Variants in ERMP1 observed in about 807,000 individuals in gnomAD.
The protein encoded by ERMP1 is endoplasmic reticulum metallopeptidase 1, also known as Felix-ina.
Under a neutral mutation model 92.0 loss-of-function variants are expected in ERMP1, and 86 were observed. That is an observed-to-expected ratio of 0.93 (90% CI 0.79 to 1.12). The LOEUF (loss-of-function observed/expected upper bound fraction) is 1.12. Among genes scored for constraint, ERMP1 ranks in the 50% most tolerant of loss-of-function variants. The pLI is 0.00. For missense variants in ERMP1, 1,342 were observed against 1,116.3 expected (o/e 1.20, Z -2.88); for synonymous variants, 530 against 412.8 (o/e 1.28, Z -3.44).
Position 5,832,776 on chromosome 9 carries a change from CAGCGCGATCAGGTAG to C in ERMP1, c.237_251del (p.Tyr80_Leu84del), listed in dbSNP as rs1830008534. The C allele has an allele frequency of 6.7e-7, 1 of 1,500,220 alleles. No homozygotes were observed. Among genetic ancestry groups the C allele is most frequent in the African/African-American group, 1.5e-5 (1 of 68,846 alleles). 92.9% of individuals were successfully genotyped at this position (1,500,220 alleles called of 1,614,324 possible). On this transcript the variant is annotated inframe_deletion, in exon 1 of 15. Transcript: ENST00000339450. Reference sequence around the variant, plus strand: ...GCAGCGAGAGCTGCACCAGCGTCCGCAGCGCGATCAGGTAGAGCGCGAGCCCCAGCGCGGCGCGCA... The same window carrying C: ...GCAGCGAGAGCTGCACCAGCGTCCGCAGCGCGAGCCCCAGCGCGGCGCGCA...
At chr9:5,803,187 A>G (rs2760410) in intron 10 of ERMP1, among the ~76,000 whole-genome samples, 8,787 of 152,280 alleles carry the variant, frequency 0.058, 799 homozygotes, top group African/African-American at 0.19. Context: ...CCCAAAGAAA[A>G]CAGTCTTACT....
chr9:5,825,211 C>A lies in ERMP1; in HGVS notation c.649G>T (p.Asp217Tyr). 6.2e-7 allele frequency: 1 copy of A among 1,609,822 alleles called. No homozygotes were observed. Among genetic ancestry groups the A allele is most frequent in the South Asian group, 1.1e-5 (1 of 89,804 alleles). ...ATCACTGAGCAGCTAACTGCATCAT[C>A]ACTGGCACCTTCAAATCAGAAAAAC... Reference protein sequence around the residue: ...DSVANSPGASDDAVSCSVMLE... With the variant: ...DSVANSPGASYDAVSCSVMLE... Residue 217 changes from aspartate to tyrosine, a missense_variant, in exon 3 of 15, where the codon GAT becomes TAT. By Grantham distance (160) the Asp-to-Tyr change is radical. Coordinates refer to ENST00000339450, the MANE Select transcript of ERMP1 (RefSeq NM_024896.3).
chr9:5,810,317 T>A, intron 7 of ERMP1, 86 bp from the exon 8 acceptor site: 1 of 966,520 alleles, frequency 1.0e-6, no homozygotes, highest in Non-Finnish European at 1.6e-6. Flanking sequence ...TGGGCAAACA[T>A]TAAAACAAAA....
intron 4 of ERMP1, among the ~76,000 whole-genome samples, chr9:5,815,494 CAAA>C (rs3068691): frequency 1.5e-3 from 143 of 97,408 alleles, no homozygotes; most frequent in Admixed American, 1.7e-3. Context: ...ACTGAAATAA[CAAA>C]AAAAAAAAAA....
intron 6 of ERMP1, among the ~76,000 whole-genome samples, chr9:5,838,362 C>A (rs1448819945): frequency 2.0e-5 from 3 of 151,788 alleles, no homozygotes; most frequent in Admixed American, 2.0e-4. Flanking sequence ...GGCAACATAG[C>A]AAGACCCCAT....
At chr9:5,854,066 G>C (rs1434420384) in intron 6 of ERMP1, among the ~76,000 whole-genome samples, 1 of 151,946 alleles carries the variant, frequency 6.6e-6, no homozygotes, top group African/African-American at 2.4e-5. Flanking sequence ...AACAAAGGGG[G>C]ATAAATTGTG....
In ERMP1 at chr9:5,785,604, A is replaced by G. The variant is rs1172347322; in HGVS notation, c.*1540T>C. 2.0e-5 allele frequency: 3 copies of G among 152,666 alleles called. No homozygotes were observed. The highest frequency in any genetic ancestry group is 6.5e-5 in the Admixed American group (1 of 15,276). The allele number at this position is 152,666 out of a possible 1,614,324, so 9.5% of individuals were successfully genotyped here. A position where few individuals can be genotyped will look rare whatever the true frequency, so the allele number is the denominator to read the frequency against. On this transcript the variant is annotated 3_prime_UTR_variant, in exon 15 of 15. Transcript: ENST00000339450. ...TAGGGAGTCACAGATTAGGCAGGCAACGAGGGGCATGATTTAAAAAGCACA... is the reference window on the plus strand; with the variant it reads ...TAGGGAGTCACAGATTAGGCAGGCAGCGAGGGGCATGATTTAAAAAGCACA...
At chr9:5,822,213 C>G (rs1409125840) in intron 4 of ERMP1, among the ~76,000 whole-genome samples, 1 of 152,098 alleles carries the variant, frequency 6.6e-6, no homozygotes, top group Non-Finnish European at 1.5e-5. Flanking sequence ...GATCATACCA[C>G]TACACTCCAG....
chr9:5,830,282 A>C (rs1586824892), intron 2 of ERMP1, among the ~76,000 whole-genome samples: 4 of 152,290 alleles, frequency 2.6e-5, no homozygotes, highest in Admixed American at 2.6e-4. Context: ...CAGGGCAGCC[A>C]AAAGATTGGA....
intron 4 of ERMP1, among the ~76,000 whole-genome samples, chr9:5,816,930 G>A (rs1035865351): frequency 7.0e-6 from 1 of 143,064 alleles, no homozygotes; most frequent in African/African-American, 2.6e-5. Context: ...ACAGAGTCTC[G>A]CTCTGTCTCC....
chr9:5,841,550 C>T (rs1262369144), intron 6 of ERMP1, among the ~76,000 whole-genome samples: 1 of 152,174 alleles, frequency 6.6e-6, no homozygotes, highest in Non-Finnish European at 1.5e-5. Flanking sequence ...GTAATCCCAA[C>T]ACTTTGGGAG....
At chr9:5,841,795 G>A (rs373367436) in intron 6 of ERMP1, among the ~76,000 whole-genome samples, 12 of 152,280 alleles carry the variant, frequency 7.9e-5, no homozygotes, top group South Asian at 2.1e-4. Flanking sequence ...TCTTGGTCTC[G>A]CTGACTTCAA....
At chr9:5,841,403 T>C (rs896242737) in intron 6 of ERMP1, among the ~76,000 whole-genome samples, 1 of 152,184 alleles carries the variant, frequency 6.6e-6, no homozygotes, top group African/African-American at 2.4e-5. Flanking sequence ...AATAGGTAAC[T>C]GCATAGAGGC....
intron 5 of ERMP1, among the ~76,000 whole-genome samples, chr9:5,863,359 T>A (rs1020776746): frequency 6.6e-6 from 1 of 152,216 alleles, no homozygotes; most frequent in African/African-American, 2.4e-5. Flanking sequence ...TCCCTTTCCA[T>A]CACCACAACA....
Position 5,811,244 on chromosome 9 carries a change from G to T in ERMP1, c.1194C>A (p.Asn398Lys). 1 of 1,613,424 alleles carries T rather than the reference G, an allele frequency of 6.2e-7. No individual in the cohort carries two copies. The highest frequency in any genetic ancestry group is 1.3e-5 in the African/African-American group (1 of 74,802). The stretch of plus-strand genomic sequence containing the variant: ...GGCCCAGCACATCAAAGAAGACCAT[G>T]TTTCCATGTCGATACTTAGAAGCAG... ...LAAASKYRHG[N>K]MVFFDVLGLF... Residue 398 changes from asparagine (N) to lysine (K), a missense_variant, in exon 7 of 15, where the codon AAC (asparagine) becomes AAA (lysine). Transcript: ENST00000339450.
chr9:5,805,651 C>T lies in ERMP1; in HGVS notation c.1683G>A (p.Leu561=), dbSNP rs1325380622. The change falls in exon 9 of 15, where the codon TTG becomes TTA. Residue 561 remains leucine (L), a synonymous_variant. Coordinates refer to ENST00000339450, the MANE Select transcript of ERMP1 (RefSeq NM_024896.3). Reference sequence around the variant, plus strand: ...CCTTATGCACACAGAGCTTTGTGAGCAATGGGAATGCTACCCAGACAGCAC... The same window carrying T: ...CCTTATGCACACAGAGCTTTGTGAGTAATGGGAATGCTACCCAGACAGCAC... The part of the protein sequence containing the change: ...FISAVWVAFP[L]LTKLCVHKDF... 6.2e-7 allele frequency: 1 copy of T among 1,608,780 alleles called. No individual in the cohort carries two copies. Among genetic ancestry groups the T allele is most frequent in the Admixed American group, 1.7e-5 (1 of 58,862 alleles).
chr9:5,856,826 C>A (rs925494285), intron 6 of ERMP1, among the ~76,000 whole-genome samples: 1 of 152,152 alleles, frequency 6.6e-6, no homozygotes, highest in African/African-American at 2.4e-5. Context: ...ATTTTGAACT[C>A]ACGCCCAACA....
chr9:5,828,977 C>T (rs1829830530), intron 2 of ERMP1, among the ~76,000 whole-genome samples: 1 of 152,028 alleles, frequency 6.6e-6, no homozygotes, highest in African/African-American at 2.4e-5. Context: ...GGCACAGTGG[C>T]TCACACCTAT....
At chr9:5,802,941 G>A (rs535464475) in intron 10 of ERMP1, among the ~76,000 whole-genome samples, 8 of 152,216 alleles carry the variant, frequency 5.3e-5, no homozygotes, top group Admixed American at 1.3e-4. Flanking sequence ...GCCGAGGCAC[G>A]AGAATTGCTT....
Sources: gnomAD v4.1 joint callset for allele counts (sites outside exome capture counted in the v4.1 genomes callset) on GRCh38, gnomAD v4.1.1 for gene constraint, MANE v1.5 for transcripts, NCBI Gene and HGNC (gene_info 2026-07-23, HGNC 2026-07-21) for gene names.